Variants in SLAIN1 observed in about 807,000 individuals in gnomAD.
SLAIN1 encodes the protein SLAIN family member 1, also known as SLAIN motif-containing protein 1.
In SLAIN1, 17 loss-of-function variants were observed where a neutral mutation model predicts 55.4. That is an observed-to-expected ratio of 0.31 (90% CI 0.21 to 0.46). SLAIN1 has a LOEUF of 0.46. Ranked by LOEUF, SLAIN1 falls within the 20% of genes least tolerant of loss-of-function variation. The pLI is 1.00. For synonymous variants in SLAIN1, 348 were observed against 337.4 expected (o/e 1.03, Z -0.35); for missense variants, 682 against 785.1 (o/e 0.87, Z 1.57).
chr13:77,745,972 G>T (rs1202505668), intron 3 of SLAIN1, among the ~76,000 whole-genome samples: 1 of 152,066 alleles, frequency 6.6e-6, no homozygotes, highest in Non-Finnish European at 1.5e-5. Flanking sequence ...AAGTATTGAG[G>T]TGTCAGTGTG....
At chr13:77,713,781 T>A (rs2091177210) in intron 1 of SLAIN1, among the ~76,000 whole-genome samples, 2 of 152,044 alleles carry the variant, frequency 1.3e-5, no homozygotes, top group African/African-American at 4.8e-5. Flanking sequence ...CAAATGCCCA[T>A]CAATAGTAGA....
intron 2 of SLAIN1, among the ~76,000 whole-genome samples, chr13:77,738,084 AGACT>A (rs1873216005): frequency 6.6e-6 from 1 of 151,944 alleles, no homozygotes; most frequent in African/African-American, 2.4e-5. Flanking sequence ...AACTGCTTGG[AGACT>A]GACCTTTGAA....
intron 2 of SLAIN1, among the ~76,000 whole-genome samples, chr13:77,733,523 G>C (rs1424696649): frequency 6.6e-6 from 1 of 152,054 alleles, no homozygotes; most frequent in Non-Finnish European, 1.5e-5. Flanking sequence ...TGAATGAATG[G>C]GAACTGCAGG....
In SLAIN1 at chr13:77,763,256, G is replaced by A. The variant is rs776557730; in HGVS notation, c.*36G>A. The A allele has an allele frequency of 8.4e-6, 13 of 1,543,834 alleles. No homozygotes were observed. Among genetic ancestry groups the A allele is most frequent in the Non-Finnish European group, 1.1e-5 (12 of 1,117,184 alleles). On this transcript the variant is annotated 3_prime_UTR_variant, in exon 7 of 7. Transcript: ENST00000418532. ...TGTACCCTTGAAAAATGGGAAAGAA[G>A]TAAAAATGAGGGTTGTGTTACCTAG...
Position 77,698,953 on chromosome 13 carries a change from G to C in SLAIN1, c.626+414G>C. On this transcript the variant is annotated intron_variant, in intron 1 of 6. Coordinates refer to ENST00000418532, the MANE Select transcript of SLAIN1 (RefSeq NM_001242868.2). This position sits in a 1 kb window ranked among gnomAD's most constrained non-coding sequence, Gnocchi z 4.1. ...TAGGGGTTGGCCTCTGTCTGCGACT[G>C]TTACTGTTCTTTCGTTTTAAACGAA... 2.6e-6 allele frequency: 4 copies of C among 1,534,228 alleles called. No individual in the cohort carries two copies. Among genetic ancestry groups the C allele is most frequent in the Non-Finnish European group, 3.5e-6 (4 of 1,146,770 alleles).
At chr13:77,719,345 C>G (rs2091239456) in intron 1 of SLAIN1, among the ~76,000 whole-genome samples, 187 bp from the exon 2 acceptor site, 1 of 151,452 alleles carries the variant, frequency 6.6e-6, no homozygotes, top group Non-Finnish European at 1.5e-5. Flanking sequence ...AAGTTCTCAC[C>G]AGGCTACAGG....
chr13:77,746,462 C>T (rs1358696444), intron 3 of SLAIN1, 52 bp from the exon 4 acceptor site: 1 of 1,445,400 alleles, frequency 6.9e-7, no homozygotes, highest in Admixed American at 2.2e-5. Context: ...TTAATTATAA[C>T]TAAATGTTAG....
In SLAIN1 at chr13:77,763,319, C is replaced by CT. The variant is rs1875208900; in HGVS notation, c.*103dup. ...CAGTGGATGTTGGGATATTCTTTCC[C>CT]TTTTGTGTTTTAATATATTTACTGC... is the stretch of plus-strand genomic sequence containing the variant. On this transcript the variant is annotated 3_prime_UTR_variant, in exon 7 of 7. Transcript: ENST00000418532. 1 of 906,376 alleles carries CT rather than the reference C, an allele frequency of 1.1e-6. No individual in the cohort carries two copies. Among genetic ancestry groups the CT allele is most frequent in the African/African-American group, 1.7e-5 (1 of 60,462 alleles). 56.1% of individuals were successfully genotyped at this position (906,376 alleles called of 1,614,324 possible). A position where few individuals can be genotyped will look rare whatever the true frequency, so the allele number is the denominator to read the frequency against.
chr13:77,744,234 A>C, intron 2 of SLAIN1, 49 bp from the exon 3 acceptor site: 2 of 1,282,080 alleles, frequency 1.6e-6, no homozygotes, highest in Non-Finnish European at 2.3e-6. Flanking sequence ...AAGCATGTAT[A>C]GATATCAGTC....
chr13:77,752,288 CTTT>C (rs79381085), intron 4 of SLAIN1, among the ~76,000 whole-genome samples: 12 of 94,222 alleles, frequency 1.3e-4, no homozygotes, highest in African/African-American at 2.7e-4. Flanking sequence ...TTCTAGGGTT[CTTT>C]TTTTTTTTTT....
At chr13:77,754,086 G>A (rs1874430496) in intron 5 of SLAIN1, among the ~76,000 whole-genome samples, 7 of 152,140 alleles carry the variant, frequency 4.6e-5, no homozygotes, top group Admixed American at 4.6e-4. Context: ...ACTTCCAGGA[G>A]GAAGGCACAA....
chr13:77,718,108 A>C (rs891786701), intron 1 of SLAIN1, among the ~76,000 whole-genome samples: 11 of 152,088 alleles, frequency 7.2e-5, no homozygotes, highest in African/African-American at 2.7e-4. Flanking sequence ...GAAAAAAAAA[A>C]ATATATTGGA....
chr13:77,761,690 A>T (rs1392979281), intron 6 of SLAIN1, among the ~76,000 whole-genome samples: 1 of 152,126 alleles, frequency 6.6e-6, no homozygotes, highest in Non-Finnish European at 1.5e-5. Flanking sequence ...CTGGGGCTTT[A>T]TCAGCTTATG....
At chr13:77,741,745 G>GT (rs5804929) in intron 2 of SLAIN1, 141,555 of 144,128 alleles carry the variant, frequency 0.98, 69,534 homozygotes, top group African/African-American at 1. Flanking sequence ...ACATCCCACA[G>GT]TTTTTTTTTT....
chr13:77,756,752 A>C (rs1005332049), intron 5 of SLAIN1, among the ~76,000 whole-genome samples: 1 of 152,178 alleles, frequency 6.6e-6, no homozygotes, highest in Non-Finnish European at 1.5e-5. Flanking sequence ...TGAATCTCAC[A>C]GACAAAGTGT....
chr13:77,744,193 C>G, intron 2 of SLAIN1, 90 bp from the exon 3 acceptor site: 1 of 973,904 alleles, frequency 1.0e-6, no homozygotes, highest in Non-Finnish European at 1.7e-6. Flanking sequence ...AAACATGAGA[C>G]AAATTGCTGA....
chr13:77,723,312 T>A (rs905694893), intron 2 of SLAIN1, among the ~76,000 whole-genome samples: 9 of 152,174 alleles, frequency 5.9e-5, no homozygotes, highest in Non-Finnish European at 1.3e-4. Flanking sequence ...CTTTTGCTTA[T>A]CCTGGGAATT....
At chr13:77,747,735 C>G (rs994329995) in intron 4 of SLAIN1, among the ~76,000 whole-genome samples, 2 of 152,108 alleles carry the variant, frequency 1.3e-5, no homozygotes, top group African/African-American at 4.8e-5. Flanking sequence ...AGGTTGCTTT[C>G]CATTAGCATT....
At chr13:77,744,246 T>C in intron 2 of SLAIN1, 37 bp from the exon 3 acceptor site, 1 of 1,421,966 alleles carries the variant, frequency 7.0e-7, no homozygotes, top group South Asian at 1.1e-5. Context: ...ATATCAGTCC[T>C]GCAGATGGAA....
Sources: gnomAD v4.1 joint callset for allele counts (sites outside exome capture counted in the v4.1 genomes callset) on GRCh38, gnomAD v4.1.1 for gene constraint, Gnocchi (gnomAD v3.1) non-coding constraint, MANE v1.5 for transcripts, NCBI Gene and HGNC (gene_info 2026-07-23, HGNC 2026-07-21) for gene names.